The following ZNF544 variants were observed in gnomAD, a reference collection of about 807,000 sequenced individuals.
ZNF544 encodes zinc finger protein 544, also known as zinc finger protein AF020591.
Under a neutral mutation model 13.5 loss-of-function variants are expected in ZNF544, and 10 were observed. The ratio of observed to expected loss-of-function variants is 0.74; its 90% CI spans 0.46 to 1.25. The LOEUF (loss-of-function observed/expected upper bound fraction) is 1.25, where lower values mean the gene tolerates loss of function less well. Among genes scored for constraint, ZNF544 ranks in the 50% most tolerant of loss-of-function variants. ZNF544 has a pLI of 0.00. For missense variants in ZNF544, 896 were observed against 845.6 expected (o/e 1.06, Z -0.74); for synonymous variants, 323 against 300.5 (o/e 1.07, Z -0.77).
intron 3 of ZNF544, among the ~76,000 whole-genome samples, chr19:58,236,578 G>A (rs1388300806): frequency 2.0e-5 from 3 of 151,648 alleles, no homozygotes; most frequent in African/African-American, 7.3e-5. Context: ...CTTATAGGAA[G>A]CTGCAAAATA....
intron 6 of ZNF544, among the ~76,000 whole-genome samples, chr19:58,255,442 G>A (rs2047085688): frequency 2.0e-5 from 3 of 152,334 alleles, no homozygotes; most frequent in Middle Eastern, 6.8e-3. Context: ...GCCTCCCAAA[G>A]TGCAGAGATT....
intron 3 of ZNF544, among the ~76,000 whole-genome samples, chr19:58,234,237 G>A (rs955368813): frequency 2.6e-5 from 4 of 152,164 alleles, no homozygotes; most frequent in Admixed American, 2.0e-4. Context: ...CTCAGGTCAC[G>A]GGATGGGCCA....
chr19:58,242,218 T>C (rs1386815119), intron 3 of ZNF544: 5 of 985,220 alleles, frequency 5.1e-6, no homozygotes, highest in Admixed American at 6.2e-5. Context: ...GCTTAGGCTC[T>C]GTGTTCCTGG....
In ZNF544 at chr19:58,261,134, A is replaced by G; in HGVS notation, c.528A>G (p.Thr176=). Residue 176 remains threonine (T), a synonymous_variant, in exon 7 of 7, where the codon ACA becomes ACG. Transcript: ENST00000687789. ...SLPSTLSLLP[T]TLPTSTGFPK... The stretch of plus-strand genomic sequence containing the variant: ...CTTCTACTTTAAGCCTTCTACCTAC[A>G]ACATTACCTACAAGTACAGGTTTCC... 6.2e-7 allele frequency: 1 copy of G among 1,614,178 alleles called. No individual in the cohort carries two copies. Among genetic ancestry groups the G allele is most frequent in the South Asian group, 1.1e-5 (1 of 91,088 alleles).
chr19:58,234,461 G>C (rs1039211497), intron 3 of ZNF544, among the ~76,000 whole-genome samples: 2 of 152,260 alleles, frequency 1.3e-5, no homozygotes, highest in Non-Finnish European at 2.9e-5. Context: ...TTGTGCCCTT[G>C]CTGGGTCTGG....
chr19:58,259,387 G>C (rs1214095358), intron 6 of ZNF544: 1 of 152,238 alleles, frequency 6.6e-6, no homozygotes, highest in Non-Finnish European at 1.5e-5. Flanking sequence ...CTAGGACTAA[G>C]CACCAGTTAG....
At chr19:58,276,221 A>T (rs1259315187) in intron 5 of ZNF544, 2 of 498,880 alleles carry the variant, frequency 4.0e-6, no homozygotes, top group African/African-American at 2.0e-5. Flanking sequence ...GGTTTCCCCT[A>T]AAGAGAATAG....
intron 4 of ZNF544, among the ~76,000 whole-genome samples, chr19:58,244,966 T>G (rs543997885): frequency 6.6e-6 from 1 of 151,846 alleles, no homozygotes; most frequent in Non-Finnish European, 1.5e-5. Context: ...TTTTTTTTTT[T>G]GAAACGGAGT....
chr19:58,246,269 G>A (rs1306270940), intron 4 of ZNF544, 32 bp from the exon 5 acceptor site: 5 of 1,613,422 alleles, frequency 3.1e-6, no homozygotes, highest in East Asian at 2.2e-5. Flanking sequence ...AGGACCTGGG[G>A]TCTCTGAGCA....
intron 3 of ZNF544, among the ~76,000 whole-genome samples, chr19:58,239,886 A>G (rs2043193794): frequency 1.4e-5 from 2 of 147,684 alleles, no homozygotes; most frequent in African/African-American, 5.1e-5. Context: ...GCAACAGAGC[A>G]AGACTCCATC....
chr19:58,229,309 G>A (rs1419164182), intron 1 of ZNF544, 159 bp from the exon 2 acceptor site: 1 of 146,260 alleles, frequency 6.8e-6, no homozygotes, highest in African/African-American at 2.6e-5. Context: ...GTGGGACTGG[G>A]TGGGACTGGG....
In ZNF544 at chr19:58,246,433, T is replaced by G. The variant is rs370840760; in HGVS notation, c.160+6T>G. 6.2e-7 allele frequency: 1 copy of G among 1,613,892 alleles called. No individual in the cohort carries two copies. The highest frequency in any genetic ancestry group is 1.3e-5 in the African/African-American group (1 of 75,000). On this transcript the variant is annotated splice_donor_region_variant and intron_variant, in intron 5 of 6. Transcript: ENST00000687789. Reference sequence around the variant, plus strand: ...GGAGCATATTGTCTCCCTGGGTAAGTGGCTGTGCTCATGGAAGGAGGTTCT... The same window carrying G: ...GGAGCATATTGTCTCCCTGGGTAAGGGGCTGTGCTCATGGAAGGAGGTTCT...
At chr19:58,241,144 A>AATATATATATATATATTTTAAT (rs1167887900) in intron 3 of ZNF544, among the ~76,000 whole-genome samples, 1 of 73,750 alleles carries the variant, frequency 1.4e-5, no homozygotes, top group African/African-American at 5.5e-5. Context: ...GCCAATTTAA[A>AATATATATATATATATTTTAAT]ATATATATAT....
At chr19:58,248,294 A>G (rs1336087020) in intron 6 of ZNF544, among the ~76,000 whole-genome samples, 26 of 84,812 alleles carry the variant, frequency 3.1e-4, no homozygotes, top group African/African-American at 1.1e-3. Context: ...TTTTTTTTTG[A>G]GACAGTGATG....
intron 6 of ZNF544, among the ~76,000 whole-genome samples, chr19:58,249,797 GTGA>G (rs1160901898): frequency 6.6e-6 from 1 of 152,130 alleles, no homozygotes; most frequent in Non-Finnish European, 1.5e-5. Flanking sequence ...ATTTCGTATG[GTGA>G]TGATACTTTG....
intron 5 of ZNF544, among the ~76,000 whole-genome samples, chr19:58,272,677 G>C (rs1201633047): frequency 6.6e-6 from 1 of 152,046 alleles, no homozygotes; most frequent in African/African-American, 2.4e-5. Flanking sequence ...GAGGTCAGGA[G>C]TTCAAGACCA....
chr19:58,263,155 A>T lies in ZNF544; in HGVS notation c.*401A>T. Reference sequence around the variant, plus strand: ...CAACATGAGAAAGCTCATGGGCAAGAAACTCTATGAATAACCAAGATGGAG... The same window carrying T: ...CAACATGAGAAAGCTCATGGGCAAGTAACTCTATGAATAACCAAGATGGAG... On this transcript the variant is annotated 3_prime_UTR_variant, in exon 7 of 7. Coordinates refer to ENST00000687789, the MANE Select transcript of ZNF544 (RefSeq NM_014480.4). 5.0e-6 allele frequency: 5 copies of T among 1,001,732 alleles called. No individual in the cohort carries two copies. The highest frequency in any genetic ancestry group is 4.8e-6 in the Non-Finnish European group (4 of 839,042). 62.1% of individuals were successfully genotyped at this position (1,001,732 alleles called of 1,614,324 possible).
intron 3 of ZNF544, among the ~76,000 whole-genome samples, chr19:58,236,290 G>A (rs188972289): frequency 1.3e-5 from 2 of 151,550 alleles, no homozygotes; most frequent in Non-Finnish European, 2.9e-5. Flanking sequence ...ACCTGAGGTC[G>A]GGAGTTCAAG....
downstream of ZNF544, among the ~76,000 whole-genome samples, chr19:58,267,380 A>G (rs1362549077): frequency 2.0e-5 from 3 of 150,466 alleles, no homozygotes; most frequent in Non-Finnish European, 4.4e-5. Flanking sequence ...TATTTAAAGC[A>G]TTTTGTTAAC....
Sources: gnomAD v4.1 joint callset for allele counts (sites outside exome capture counted in the v4.1 genomes callset) on GRCh38, gnomAD v4.1.1 for gene constraint, MANE v1.5 for transcripts, NCBI Gene and HGNC (gene_info 2026-07-23, HGNC 2026-07-21) for gene names.